Variants in CNTNAP3B observed in about 807,000 individuals in gnomAD.
The protein encoded by CNTNAP3B is contactin-associated protein-like 3B.
CNTNAP3B carries 25 observed loss-of-function variants against 108.9 expected under a neutral mutation model. That is an observed-to-expected ratio of 0.23 (90% confidence interval 0.17 to 0.32). CNTNAP3B has a LOEUF of 0.32. CNTNAP3B is among the 10% of genes least tolerant of loss of function. The pLI is 1.00. For synonymous variants in CNTNAP3B, 103 were observed against 473.4 expected (o/e 0.22, Z 10.16); for missense variants, 252 against 1,210.4 (o/e 0.21, Z 11.75).
intron 3 of CNTNAP3B, among the ~76,000 whole-genome samples, chr9:42,030,810 A>AG (rs1329134898): frequency 0.033 from 2,661 of 79,518 alleles, 308 homozygotes; most frequent in African/African-American, 0.055. Flanking sequence ...AGAGAGAGAG[A>AG]GAGGAGAGAG....
intron 2 of CNTNAP3B, among the ~76,000 whole-genome samples, chr9:42,098,068 A>T (rs1484533385): frequency 7.2e-6 from 1 of 139,616 alleles, no homozygotes; most frequent in African/African-American, 2.8e-5. Flanking sequence ...TTCCACAAAT[A>T]AACATTCATA....
Position 42,112,058 on chromosome 9 carries a change from C to A in CNTNAP3B, c.86-7319G>T, listed in dbSNP as rs897714335. On this transcript the variant is annotated intron_variant, in intron 1 of 23. Coordinates refer to ENST00000377561, the MANE Select transcript of CNTNAP3B (RefSeq NM_001201380.3). ...ATCACCTGTTCCCCGTTACTCTCTG[C>A]ACTACAGCCGAATCCCCTACACATT... Among the ~76,000 whole-genome samples the A allele has an allele frequency of 5.7e-5, 8 of 139,702 alleles. 2 individuals are homozygous for A. Among genetic ancestry groups the A allele is most frequent in the African/African-American group, 2.3e-4 (8 of 35,324 alleles). 91.6% of individuals were successfully genotyped at this position (139,702 alleles called of 152,430 possible).
intron 3 of CNTNAP3B, among the ~76,000 whole-genome samples, chr9:42,033,009 G>A (rs1293630427): frequency 6.9e-6 from 1 of 145,914 alleles, no homozygotes; most frequent in African/African-American, 2.6e-5. Flanking sequence ...CAGGGTTAAG[G>A]CTTCAACATA....
chr9:42,018,799 C>CT (rs2118436775), intron 3 of CNTNAP3B, among the ~76,000 whole-genome samples: 1 of 152,020 alleles, frequency 6.6e-6, no homozygotes, highest in South Asian at 2.1e-4. Flanking sequence ...GGTTCTGTGA[C>CT]TATGGGCAAG....
At chr9:42,121,924 G>C (rs1200092841) in intron 1 of CNTNAP3B, among the ~76,000 whole-genome samples, 3 of 140,318 alleles carry the variant, frequency 2.1e-5, no homozygotes, top group Non-Finnish European at 4.6e-5. Flanking sequence ...GCAAAGGACT[G>C]TATTACTTAC....
chr9:42,115,479 C>A lies in CNTNAP3B; in HGVS notation c.86-10740G>T, dbSNP rs1587283768. ...ACAACTCCCAGTAGGGGCTGACTGA[C>A]ACCGCATACAGCCAGGTGCCCCTCT... On this transcript the variant is annotated intron_variant, in intron 1 of 23. Transcript: ENST00000377561. Among the ~76,000 whole-genome samples, 2 of 139,748 alleles carry A rather than the reference C, an allele frequency of 1.4e-5. 1 individual carries two copies. Among genetic ancestry groups the A allele is most frequent in the East Asian group, 4.4e-4 (2 of 4,578 alleles). The allele number at this position is 139,748 out of a possible 152,430, so 91.7% of individuals were successfully genotyped here.
intron 2 of CNTNAP3B, among the ~76,000 whole-genome samples, chr9:42,093,309 C>A (rs1451039748): frequency 1.0e-5 from 1 of 95,944 alleles, no homozygotes; most frequent in East Asian, 5.6e-4. Flanking sequence ...CACGTCACTG[C>A]ACTCCAGCCT....
At position 42,129,303 on chromosome 9, in the gene CNTNAP3B, G is replaced by A. The variant is rs527457234; in HGVS notation, c.-209C>T. ...CGCCAAGCCGCGCCCGGCCCCAGCT[G>A]CGTCTCCGAGGTCGGCCCCGCGGGA... On this transcript the variant is annotated 5_prime_UTR_variant, in exon 1 of 24. Coordinates refer to ENST00000377561, the MANE Select transcript of CNTNAP3B (RefSeq NM_001201380.3). The A allele has an allele frequency of 1.8e-4, 98 of 555,844 alleles. 21 individuals carry two copies. The African/African-American group carries it at 2.7e-3, about 15-fold the overall frequency. 34.4% of individuals were successfully genotyped at this position (555,844 alleles called of 1,614,324 possible). A position where few individuals can be genotyped will look rare whatever the true frequency, so the allele number is the denominator to read the frequency against.
intron 9 of CNTNAP3B, among the ~76,000 whole-genome samples, chr9:41,971,063 C>T (rs1368532350): frequency 4.8e-5 from 7 of 146,548 alleles, no homozygotes; most frequent in Non-Finnish European, 9.0e-5. Context: ...GCTAATTTCA[C>T]CTAAATTACA....
intron 3 of CNTNAP3B, among the ~76,000 whole-genome samples, chr9:42,021,821 C>A (rs567865786): frequency 7.3e-6 from 1 of 136,360 alleles, no homozygotes; most frequent in East Asian, 2.2e-4. Context: ...TCTGAAACCG[C>A]CTTTGCACAA....
At chr9:41,923,178 C>G (rs1163539547) in intron 16 of CNTNAP3B, among the ~76,000 whole-genome samples, 1 of 140,970 alleles carries the variant, frequency 7.1e-6, no homozygotes, top group Non-Finnish European at 1.5e-5. Context: ...GCTATGTACC[C>G]ATAGCTAGAA....
intron 14 of CNTNAP3B, among the ~76,000 whole-genome samples, chr9:41,935,031 TTATATG>T (rs1824113834): frequency 2.6e-5 from 4 of 152,082 alleles, no homozygotes; most frequent in African/African-American, 9.7e-5. Context: ...GAATTATATG[TTATATG>T]TATATTTTAG....
intron 2 of CNTNAP3B, among the ~76,000 whole-genome samples, chr9:42,095,883 T>A (rs1827888238): frequency 7.2e-6 from 1 of 137,960 alleles, no homozygotes; most frequent in South Asian, 2.4e-4. Context: ...AAGCCCCAAG[T>A]AGAGGTCAGC....
Position 41,974,295 on chromosome 9 carries a change from T to C in CNTNAP3B, c.1478-4050A>G, listed in dbSNP as rs1415225797. 21 of 86,468 alleles carry C rather than the reference T, an allele frequency of 2.4e-4. 1 individual carries two copies. In the South Asian group the frequency reaches 5.5e-3, roughly 23 times the overall value. 5.4% of individuals were successfully genotyped at this position (86,468 alleles called of 1,614,324 possible). On this transcript the variant is annotated intron_variant, in intron 9 of 23. Transcript: ENST00000377561. Reference sequence around the variant, plus strand: ...GGTGGGTTTTTCTTCTTCTTCATTTTTTCATATTAACCTGGCTACCCATGG... The same window carrying C: ...GGTGGGTTTTTCTTCTTCTTCATTTCTTCATATTAACCTGGCTACCCATGG...
At chr9:41,927,435 AAGAG>A (rs1201445989) in intron 15 of CNTNAP3B, among the ~76,000 whole-genome samples, 5 of 149,742 alleles carry the variant, frequency 3.3e-5, no homozygotes, top group African/African-American at 1.0e-4. Flanking sequence ...AAAGAAAAGA[AAGAG>A]AGAGAAAGAA....
rs1011919080 is a variant in CNTNAP3B at position 42,056,799 on chromosome 9, C to T, written c.390+20070G>A. ...GTCATGTATATTAAAATATTATTTCCCATTTATAAATTGATATCTTCTGGT... is the reference window on the plus strand; with the variant it reads ...GTCATGTATATTAAAATATTATTTCTCATTTATAAATTGATATCTTCTGGT... On this transcript the variant is annotated intron_variant, in intron 3 of 23. Coordinates refer to ENST00000377561, the MANE Select transcript of CNTNAP3B (RefSeq NM_001201380.3). 2.2e-3 allele frequency among the ~76,000 whole-genome samples: 230 copies of T among 104,374 alleles called. 9 individuals carry two copies. Among genetic ancestry groups the T allele is most frequent in the African/African-American group, 9.3e-3 (215 of 23,194 alleles). The allele number at this position is 104,374 out of a possible 152,430, so 68.5% of individuals were successfully genotyped here. A position where few individuals can be genotyped will look rare whatever the true frequency, so the allele number is the denominator to read the frequency against.
intron 10 of CNTNAP3B, among the ~76,000 whole-genome samples, chr9:41,966,308 A>G (rs1159983960): frequency 6.6e-6 from 1 of 152,310 alleles, no homozygotes; most frequent in Non-Finnish European, 1.5e-5. Context: ...CAGGGAGAGA[A>G]TAATTTTAGT....
At chr9:42,113,426 T>C (rs1404423890) in intron 1 of CNTNAP3B, among the ~76,000 whole-genome samples, 2 of 140,006 alleles carry the variant, frequency 1.4e-5, no homozygotes, top group East Asian at 4.3e-4. Flanking sequence ...AAGTATATAA[T>C]ACGAGAATAA....
intron 1 of CNTNAP3B, among the ~76,000 whole-genome samples, chr9:42,115,177 T>A (rs1828286285): frequency 7.2e-6 from 1 of 138,818 alleles, no homozygotes; most frequent in Non-Finnish European, 1.5e-5. Flanking sequence ...TCAAAGAGAT[T>A]TTTTGTATAC....
Sources: gnomAD v4.1 joint callset for allele counts (sites outside exome capture counted in the v4.1 genomes callset) on GRCh38, gnomAD v4.1.1 for gene constraint, MANE v1.5 for transcripts, NCBI Gene and HGNC (gene_info 2026-07-23, HGNC 2026-07-21) for gene names.